The following TNR variants were observed in gnomAD, a reference collection of about 807,000 sequenced individuals.
TNR encodes tenascin R.
In TNR, 45 loss-of-function variants were observed where a neutral mutation model predicts 150.4. That is an observed-to-expected ratio of 0.30 (90% CI 0.24 to 0.38). TNR has a LOEUF of 0.38. TNR is among the 10% of genes least tolerant of loss of function. The probability of loss-of-function intolerance (pLI) is 1.00; values close to 1 mark genes in which losing one functional copy is unlikely to be tolerated. For synonymous variants in TNR, 687 were observed against 678.4 expected, an observed-to-expected ratio of 1.01 and a Z score of -0.20; for missense variants, 1,544 against 1,759.1, an observed-to-expected ratio of 0.88 and a Z score of 2.19.
At chr1:175,698,416 G>T (rs1666592655) in intron 1 of TNR, among the ~76,000 whole-genome samples, 1 of 152,136 alleles carries the variant, frequency 6.6e-6, no homozygotes, top group African/African-American at 2.4e-5. Flanking sequence ...AGAGGGGACA[G>T]TGAGTGCAAA....
At chr1:175,340,567 A>G (rs1400602631) in intron 18 of TNR, among the ~76,000 whole-genome samples, 2 of 152,238 alleles carry the variant, frequency 1.3e-5, no homozygotes, top group Non-Finnish European at 2.9e-5. Context: ...AATGGTTCTC[A>G]GACTGGGACC....
chr1:175,635,033 G>A (rs1033021752), intron 1 of TNR, among the ~76,000 whole-genome samples: 1 of 152,140 alleles, frequency 6.6e-6, no homozygotes, highest in Admixed American at 6.5e-5. Context: ...TACAGAGGCT[G>A]GCCAGGGGCA....
At position 175,354,506 on chromosome 1, in the gene TNR, T is replaced by C. The variant is rs1472923142; in HGVS notation, c.3267A>G (p.Ala1089=). The stretch of plus-strand genomic sequence containing the variant: ...CCTCCAGTCGAATCCAGGTGTCTTC[T>C]GCATCCACAATCAGCTCCTGTATAA... ...DGSRKELIVD[A]EDTWIRLEGL... The change falls in exon 18 of 23, where the codon GCA becomes GCG. Residue 1089 remains alanine (A), a synonymous_variant. Transcript: ENST00000367674. 1.2e-6 allele frequency: 2 copies of C among 1,614,116 alleles called. No individual in the cohort carries two copies. The highest frequency in any genetic ancestry group is 8.5e-7 in the Non-Finnish European group (1 of 1,179,986).
Position 175,337,542 on chromosome 1 carries a change from C to T in TNR, c.3520G>A (p.Gly1174Arg), listed in dbSNP as rs1279570596. 15 of 1,613,224 alleles carry T rather than the reference C, an allele frequency of 9.3e-6. No homozygotes were observed. Among genetic ancestry groups the T allele is most frequent in the South Asian group, 5.5e-5 (5 of 91,044 alleles). The change falls in exon 19 of 23, where the codon GGG becomes AGG. Residue 1174 changes from glycine (G) to arginine (R), a missense_variant. Around this residue, in one of 2 missense-constraint regions of TNR, gnomAD observed 290 missense variants for 429.7 expected, o/e 0.67. Transcript: ENST00000367674. ...LQVYCDMTTD[G>R]GGWIVFQRRQ... ...ATTGTACTTACAATCCAGCCGCCCC[C>T]GTCGGTGGTCATATCACAGTACACT...
At chr1:175,655,481 G>T (rs1333467662) in intron 1 of TNR, among the ~76,000 whole-genome samples, 1 of 152,166 alleles carries the variant, frequency 6.6e-6, no homozygotes, top group Non-Finnish European at 1.5e-5. Flanking sequence ...GCAAGAGCTG[G>T]CATTCAGACC....
chr1:175,569,250 A>C (rs1661766749), intron 1 of TNR, among the ~76,000 whole-genome samples: 1 of 152,216 alleles, frequency 6.6e-6, no homozygotes, highest in South Asian at 2.1e-4. Flanking sequence ...AGACATCTGC[A>C]GACAGGTCTT....
At chr1:175,419,216 A>G (rs1315004365) in intron 2 of TNR, among the ~76,000 whole-genome samples, 3 of 152,194 alleles carry the variant, frequency 2.0e-5, no homozygotes, top group Admixed American at 6.5e-5. Context: ...AGGGGTGCCA[A>G]TGGAATTCAA....
chr1:175,394,001 G>T (rs556846994), intron 5 of TNR, 106 bp from the exon 6 acceptor site: 4 of 867,050 alleles, frequency 4.6e-6, no homozygotes, highest in Non-Finnish European at 7.5e-6. Flanking sequence ...TGGGCGTGGT[G>T]GTGTCTGGTG....
At chr1:175,652,642 C>T (rs572263975) in intron 1 of TNR, among the ~76,000 whole-genome samples, 2 of 152,208 alleles carry the variant, frequency 1.3e-5, no homozygotes, top group South Asian at 2.1e-4. Context: ...GGCACTTCCC[C>T]GTTAGCTCTC....
chr1:175,536,303 ACCAAG>A, intron 1 of TNR, among the ~76,000 whole-genome samples: 1 of 152,062 alleles, frequency 6.6e-6, no homozygotes. Context: ...TTTTTTATGG[ACCAAG>A]CCATTAAAAA....
At chr1:175,497,501 C>T (rs2102145758) in intron 2 of TNR, among the ~76,000 whole-genome samples, 1 of 152,316 alleles carries the variant, frequency 6.6e-6, no homozygotes, top group East Asian at 1.9e-4. Flanking sequence ...ATCTGCTTAA[C>T]AAGGTTTTTC....
chr1:175,414,226 C>G lies in TNR; in HGVS notation c.-63-7449G>C, dbSNP rs183869626. Among the ~76,000 whole-genome samples the G allele has an allele frequency of 2.0e-5, 3 of 151,324 alleles. No individual in the cohort carries two copies. The East Asian group carries it at 5.8e-4, about 29-fold the overall frequency. ...TAAGCCACCCAGTTTACGGTATTTT[C>G]TTTTAGCAGCCCAAGTGGACTAAGA... On this transcript the variant is annotated intron_variant, in intron 2 of 22. Coordinates refer to ENST00000367674, the MANE Select transcript of TNR (RefSeq NM_003285.3).
At chr1:175,690,313 C>A (rs761799549) in intron 1 of TNR, among the ~76,000 whole-genome samples, 3 of 151,866 alleles carry the variant, frequency 2.0e-5, no homozygotes, top group Non-Finnish European at 4.4e-5. Flanking sequence ...ATAAGAGAAT[C>A]AACAAATGTT....
chr1:175,362,937 T>C (rs1436915976), intron 13 of TNR, 128 bp from the exon 14 acceptor site: 1 of 1,153,564 alleles, frequency 8.7e-7, no homozygotes, highest in Admixed American at 2.0e-5. Flanking sequence ...GGATGATACA[T>C]GGTTCATGGG....
At chr1:175,654,805 A>T (rs1263185362) in intron 1 of TNR, among the ~76,000 whole-genome samples, 54 of 118,222 alleles carry the variant, frequency 4.6e-4, no homozygotes, top group African/African-American at 1.8e-3. Context: ...TGCAAGCTCC[A>T]CCTCCTGGGT....
chr1:175,589,794 C>CAA (rs916780335), intron 1 of TNR, among the ~76,000 whole-genome samples: 1 of 151,558 alleles, frequency 6.6e-6, no homozygotes, highest in Non-Finnish European at 1.5e-5. Context: ...GGGAGTTGAA[C>CAA]AATGAGAACA....
At chr1:175,458,991 C>T (rs1656693326) in intron 2 of TNR, among the ~76,000 whole-genome samples, 1 of 151,676 alleles carries the variant, frequency 6.6e-6, no homozygotes, top group African/African-American at 2.4e-5. Flanking sequence ...CACAACCAAA[C>T]CATCACCACC....
intron 2 of TNR, among the ~76,000 whole-genome samples, chr1:175,452,016 G>C (rs1354897130): frequency 6.6e-6 from 1 of 152,146 alleles, no homozygotes; most frequent in Non-Finnish European, 1.5e-5. Flanking sequence ...ATGTTTCTCT[G>C]TCCCAGGCTC....
At chr1:175,562,992 G>A (rs2102211928) in intron 1 of TNR, among the ~76,000 whole-genome samples, 1 of 152,306 alleles carries the variant, frequency 6.6e-6, no homozygotes, top group South Asian at 2.1e-4. Flanking sequence ...AAATGGAGAG[G>A]TTGAATCAGG....
Sources: allele counts gnomAD v4.1 joint callset (sites outside exome capture counted in the v4.1 genomes callset), GRCh38; gene constraint gnomAD v4.1.1; regional missense constraint gnomAD v4.1.1; transcripts MANE v1.5; gene names NCBI Gene and HGNC (gene_info 2026-07-23, HGNC 2026-07-21).